The following SPAG16 variants were observed in gnomAD, a reference collection of about 807,000 sequenced individuals.
SPAG16 encodes the protein sperm-associated antigen 16 protein.
Under a neutral mutation model 80.4 loss-of-function variants are expected in SPAG16, and 86 were observed. That is an observed-to-expected ratio of 1.07 (90% CI 0.90 to 1.28). The LOEUF (loss-of-function observed/expected upper bound fraction) is 1.28. Among genes scored for constraint, SPAG16 ranks in the 50% most tolerant of loss-of-function variants. The pLI is 0.00. For missense variants in SPAG16, 870 were observed against 765.3 expected, an observed-to-expected ratio of 1.14 and a Z score of -1.61; for synonymous variants, 294 against 265.9, an observed-to-expected ratio of 1.11 and a Z score of -1.03.
chr2:213,712,985 A>C (rs1455526502), intron 10 of SPAG16, among the ~76,000 whole-genome samples: 2 of 152,102 alleles, frequency 1.3e-5, no homozygotes, highest in African/African-American at 4.8e-5. Context: ...TTGGGGAGGC[A>C]TCAGGAGGCC....
At chr2:213,390,140 C>G (rs566780386) in intron 9 of SPAG16, among the ~76,000 whole-genome samples, 16 of 152,186 alleles carry the variant, frequency 1.1e-4, no homozygotes, top group African/African-American at 3.9e-4. Flanking sequence ...AACAGAAAGA[C>G]AAATACTATA....
intron 15 of SPAG16, among the ~76,000 whole-genome samples, chr2:214,177,445 C>G (rs976721704): frequency 6.6e-6 from 1 of 150,960 alleles, no homozygotes; most frequent in African/African-American, 2.4e-5. Flanking sequence ...TCCAGGAATT[C>G]TCAGGATTTT....
rs151258824 is a variant in SPAG16 at position 214,382,542 on chromosome 2, G to A, written c.1721-27598G>A. On this transcript the variant is annotated intron_variant, in intron 15 of 15. Transcript: ENST00000331683. ...AGCCTTCAGACTTAAGCTCTTTCAC[G>A]GAGGAGGGTGTGCTTGAAAAGATAA... 6.4e-4 allele frequency among the ~76,000 whole-genome samples: 97 copies of A among 152,266 alleles called. 1 individual carries two copies. The highest frequency in any genetic ancestry group is 1.9e-4 in the Non-Finnish European group (13 of 68,022).
At chr2:213,703,640 A>G (rs2065603250) in intron 10 of SPAG16, among the ~76,000 whole-genome samples, 1 of 152,124 alleles carries the variant, frequency 6.6e-6, no homozygotes, top group South Asian at 2.1e-4. Context: ...GAAAAGACTC[A>G]TTGTCCATCT....
intron 9 of SPAG16, among the ~76,000 whole-genome samples, chr2:213,448,558 G>T (rs2071489296): frequency 6.6e-6 from 1 of 152,146 alleles, no homozygotes; most frequent in South Asian, 2.1e-4. Context: ...AAAACTGAGA[G>T]AATGAACAAG....
At chr2:213,425,369 G>C (rs2125454409) in intron 9 of SPAG16, among the ~76,000 whole-genome samples, 1 of 151,998 alleles carries the variant, frequency 6.6e-6, no homozygotes, top group East Asian at 1.9e-4. Flanking sequence ...AAATGTGTAG[G>C]CTGGGTATGG....
At chr2:213,629,318 G>C (rs999657843) in intron 10 of SPAG16, among the ~76,000 whole-genome samples, 1 of 152,134 alleles carries the variant, frequency 6.6e-6, no homozygotes, top group Non-Finnish European at 1.5e-5. Flanking sequence ...AGGACTACAC[G>C]TGTTACCAAC....
chr2:213,826,260 A>G (rs1047295002), intron 10 of SPAG16, among the ~76,000 whole-genome samples: 1 of 149,774 alleles, frequency 6.7e-6, no homozygotes, highest in Non-Finnish European at 1.5e-5. Context: ...TTCTTCTATG[A>G]TCTTTATTAT....
chr2:213,936,905 G>C (rs976209862), intron 12 of SPAG16, among the ~76,000 whole-genome samples: 5 of 152,018 alleles, frequency 3.3e-5, no homozygotes, highest in African/African-American at 1.2e-4. Context: ...CATAACCCCT[G>C]TGCTGGATGA....
At chr2:213,927,521 A>G (rs1232825555) in intron 11 of SPAG16, among the ~76,000 whole-genome samples, 1 of 152,108 alleles carries the variant, frequency 6.6e-6, no homozygotes, top group Non-Finnish European at 1.5e-5. Context: ...GAAAGGCAAA[A>G]CCATTTCAAA....
chr2:213,364,724 G>T (rs555268958), intron 8 of SPAG16: 1 of 152,370 alleles, frequency 6.6e-6, no homozygotes, highest in African/African-American at 2.4e-5. Context: ...TTTACTATGA[G>T]TCCTTAGCTG....
intron 9 of SPAG16, among the ~76,000 whole-genome samples, chr2:213,440,962 C>T (rs1048119836): frequency 6.6e-5 from 10 of 152,006 alleles, no homozygotes; most frequent in Admixed American, 1.3e-4. Context: ...AAAGTTAAGC[C>T]CCAGCATAGG....
At chr2:213,761,609 C>T (rs142335694) in intron 10 of SPAG16, among the ~76,000 whole-genome samples, 9 of 152,256 alleles carry the variant, frequency 5.9e-5, no homozygotes, top group Non-Finnish European at 1.3e-4. Context: ...CGCCTGTAAT[C>T]TCAGCACTTT....
intron 10 of SPAG16, among the ~76,000 whole-genome samples, chr2:213,602,468 C>A (rs1001021340): frequency 6.6e-6 from 1 of 152,008 alleles, no homozygotes; most frequent in African/African-American, 2.4e-5. Flanking sequence ...CCCGTCTCTA[C>A]AAAAACTACA....
At chr2:214,409,173 C>T (rs371079994) in intron 15 of SPAG16, among the ~76,000 whole-genome samples, 71 of 146,202 alleles carry the variant, frequency 4.9e-4, no homozygotes, top group Middle Eastern at 7.1e-3. Flanking sequence ...AAGGATCATA[C>T]GGAATTATCC....
intron 10 of SPAG16, among the ~76,000 whole-genome samples, chr2:213,804,732 A>G (rs1037309573): frequency 6.7e-6 from 1 of 150,206 alleles, no homozygotes; most frequent in Non-Finnish European, 1.5e-5. Flanking sequence ...TAACTAACTA[A>G]GATTACGAGA....
At chr2:214,151,312 G>A (rs929583725) in intron 15 of SPAG16, among the ~76,000 whole-genome samples, 4 of 151,992 alleles carry the variant, frequency 2.6e-5, no homozygotes, top group African/African-American at 7.2e-5. Context: ...AGAGGTGAAA[G>A]TCACAAAGTT....
intron 13 of SPAG16, among the ~76,000 whole-genome samples, chr2:214,072,842 G>A (rs930499040): frequency 6.6e-6 from 1 of 152,092 alleles, no homozygotes; most frequent in Non-Finnish European, 1.5e-5. Flanking sequence ...ACAAACATCA[G>A]TTTTTTAATT....
At chr2:214,354,531 T>C (rs1698646768) in intron 15 of SPAG16, among the ~76,000 whole-genome samples, 1 of 152,200 alleles carries the variant, frequency 6.6e-6, no homozygotes, top group Non-Finnish European at 1.5e-5. Context: ...TCCAATTTTG[T>C]GAAGAAAGTC....
Sources: allele counts gnomAD v4.1 joint callset (sites outside exome capture counted in the v4.1 genomes callset), GRCh38; gene constraint gnomAD v4.1.1; transcripts MANE v1.5; gene names NCBI Gene and HGNC (gene_info 2026-07-23, HGNC 2026-07-21).